The following DPP10 variants were observed in gnomAD, a reference collection of about 807,000 sequenced individuals.
DPP10 encodes dipeptidyl peptidase like 10, also known as inactive dipeptidyl peptidase 10.
A neutral mutation model predicts 120.9 loss-of-function variants in DPP10; 33 were observed. That is an observed-to-expected ratio of 0.27 (90% CI 0.21 to 0.37). The LOEUF (loss-of-function observed/expected upper bound fraction) is 0.37. DPP10 is among the 10% of genes least tolerant of loss of function. The pLI is 1.00. For synonymous variants in DPP10, 337 were observed against 326.1 expected, an observed-to-expected ratio of 1.03 and a Z score of -0.36; for missense variants, 816 against 942.8, an observed-to-expected ratio of 0.87 and a Z score of 1.76.
intron 1 of DPP10, among the ~76,000 whole-genome samples, chr2:114,855,034 A>C (rs1295944195): frequency 6.6e-6 from 1 of 152,156 alleles, no homozygotes; most frequent in Non-Finnish European, 1.5e-5. Context: ...AAAGATGAAA[A>C]AGTGTCTTTT....
rs548766990 is a variant in DPP10 at position 114,559,451 on chromosome 2, T to G, written c.60+116613T>G. 6.6e-5 allele frequency among the ~76,000 whole-genome samples: 10 copies of G among 152,300 alleles called. No homozygotes were observed. In the South Asian group the frequency reaches 1.7e-3, roughly 25 times the overall value. On this transcript the variant is annotated intron_variant, in intron 1 of 25. Coordinates refer to ENST00000410059, the MANE Select transcript of DPP10 (RefSeq NM_020868.6). ...AATGAAATCTTAGTGACATTTTGAT[T>G]TTAGCCCACTGAAATCCATTTTGGA... is the stretch of plus-strand genomic sequence containing the variant.
At chr2:114,516,525 A>G (rs980221379) in intron 1 of DPP10, among the ~76,000 whole-genome samples, 1 of 152,226 alleles carries the variant, frequency 6.6e-6, no homozygotes, top group Non-Finnish European at 1.5e-5. Flanking sequence ...ACAGCCATCA[A>G]AAGTACATTT....
chr2:115,191,109 T>C (rs2054849521), intron 1 of DPP10, among the ~76,000 whole-genome samples: 1 of 152,158 alleles, frequency 6.6e-6, no homozygotes, highest in Admixed American at 6.5e-5. Context: ...GGGGAAGAAC[T>C]CTGGGGAGCA....
At chr2:115,298,435 A>T (rs1371023387) in intron 1 of DPP10, among the ~76,000 whole-genome samples, 1 of 152,054 alleles carries the variant, frequency 6.6e-6, no homozygotes, top group Non-Finnish European at 1.5e-5. Flanking sequence ...TGTTCATTTT[A>T]GCAGTTTCAG....
At chr2:115,461,232 T>C (rs1276341951) in intron 3 of DPP10, among the ~76,000 whole-genome samples, 1 of 152,024 alleles carries the variant, frequency 6.6e-6, no homozygotes, top group Non-Finnish European at 1.5e-5. Flanking sequence ...ATTTAAAACC[T>C]AGTGACTAAA....
At chr2:115,461,824 C>T (rs544132230) in intron 3 of DPP10, among the ~76,000 whole-genome samples, 4 of 151,914 alleles carry the variant, frequency 2.6e-5, no homozygotes, top group African/African-American at 4.8e-5. Context: ...CCCTTTGTTC[C>T]GATGTTCTGA....
intron 5 of DPP10, among the ~76,000 whole-genome samples, chr2:115,672,621 C>CTT (rs10648958): frequency 6.9e-6 from 1 of 145,560 alleles, no homozygotes; most frequent in Non-Finnish European, 1.5e-5. Flanking sequence ...CATGGCGCCC[C>CTT]TTCTTTCTTT....
At chr2:114,656,941 T>A (rs906788224) in intron 1 of DPP10, among the ~76,000 whole-genome samples, 1 of 152,098 alleles carries the variant, frequency 6.6e-6, no homozygotes, top group African/African-American at 2.4e-5. Flanking sequence ...AAATAAAAAA[T>A]AAGATCAACT....
intron 1 of DPP10, among the ~76,000 whole-genome samples, chr2:115,094,413 C>T (rs567628031): frequency 3.3e-5 from 5 of 152,234 alleles, no homozygotes; most frequent in African/African-American, 9.6e-5. Flanking sequence ...TTCTTACCTT[C>T]GGCAAACTTT....
intron 1 of DPP10, among the ~76,000 whole-genome samples, chr2:114,892,391 G>A (rs866700021): frequency 2.0e-5 from 3 of 152,272 alleles, no homozygotes; most frequent in Middle Eastern, 3.4e-3. Context: ...AGCACTCCAT[G>A]GAGAACTGAG....
At chr2:115,827,674 C>A in intron 21 of DPP10, among the ~76,000 whole-genome samples, 1 of 151,334 alleles carries the variant, frequency 6.6e-6, no homozygotes, top group Non-Finnish European at 1.5e-5. Flanking sequence ...CGGCTCACTG[C>A]AATCTCCACC....
At chr2:115,114,152 C>T (rs1169719910) in intron 1 of DPP10, among the ~76,000 whole-genome samples, 1 of 152,164 alleles carries the variant, frequency 6.6e-6, no homozygotes, top group Non-Finnish European at 1.5e-5. Flanking sequence ...TGTCAGCGAA[C>T]TTTCTCAAAG....
At chr2:115,836,805 A>G in intron 24 of DPP10, 59 bp downstream of exon 24, 1 of 1,501,546 alleles carries the variant, frequency 6.7e-7, no homozygotes, top group Admixed American at 2.1e-5. Context: ...AAAGGGATAC[A>G]TCTAAGGACT....
intron 3 of DPP10, among the ~76,000 whole-genome samples, chr2:115,381,775 A>G (rs2066383879): frequency 6.6e-6 from 1 of 151,476 alleles, no homozygotes; most frequent in Non-Finnish European, 1.5e-5. Flanking sequence ...TTTAACAGAC[A>G]CAACCCTCAG....
At chr2:114,813,776 T>A (rs1020542973) in intron 1 of DPP10, among the ~76,000 whole-genome samples, 5 of 151,788 alleles carry the variant, frequency 3.3e-5, no homozygotes, top group African/African-American at 7.3e-5. Flanking sequence ...CCACTTTCAG[T>A]GGGATCAGGT....
intron 3 of DPP10, among the ~76,000 whole-genome samples, chr2:115,350,413 A>G (rs950706395): frequency 6.6e-6 from 1 of 152,094 alleles, no homozygotes; most frequent in Non-Finnish European, 1.5e-5. Context: ...AATTTTCAAC[A>G]GGCATTCTGC....
chr2:114,595,320 A>G (rs1691819607), intron 1 of DPP10, among the ~76,000 whole-genome samples: 1 of 152,096 alleles, frequency 6.6e-6, no homozygotes, highest in Non-Finnish European at 1.5e-5. Flanking sequence ...TACATCGCCT[A>G]CCCACCACCC....
intron 3 of DPP10, among the ~76,000 whole-genome samples, chr2:115,379,422 G>A (rs1433189130): frequency 2.0e-5 from 3 of 151,950 alleles, no homozygotes; most frequent in Non-Finnish European, 4.4e-5. Context: ...TTTTTATTGC[G>A]ACTATTTGAT....
chr2:115,276,277 G>T (rs1264644317), intron 1 of DPP10, among the ~76,000 whole-genome samples: 3 of 152,090 alleles, frequency 2.0e-5, no homozygotes, highest in Non-Finnish European at 2.9e-5. Context: ...CACTAAGGTT[G>T]CTGATGAATC....
Sources: allele counts gnomAD v4.1 joint callset (sites outside exome capture counted in the v4.1 genomes callset), GRCh38; gene constraint gnomAD v4.1.1; transcripts MANE v1.5; gene names NCBI Gene and HGNC (gene_info 2026-07-23, HGNC 2026-07-21).